AK3: variants seen among roughly 807,000 people sequenced by gnomAD.
The protein encoded by AK3 is GTP:AMP phosphotransferase AK3, mitochondrial.
Under a neutral mutation model 23.7 loss-of-function variants are expected in AK3, and 27 were observed. The ratio of observed to expected loss-of-function variants is 1.14; its 90% CI spans 0.84 to 1.57. AK3 has a LOEUF of 1.57. Ranked by LOEUF, AK3 falls within the 40% of genes most tolerant of loss-of-function variation. The pLI is 0.00. For synonymous variants in AK3, 159 were observed against 116.0 expected, an observed-to-expected ratio of 1.37 and a Z score of -2.38; for missense variants, 406 against 285.6, an observed-to-expected ratio of 1.42 and a Z score of -3.04.
At position 4,711,228 on chromosome 9, in the gene AK3, T is replaced by A. The variant is rs531668230; in HGVS notation, c.*1748A>T. The stretch of plus-strand genomic sequence containing the variant: ...AGACATCAGGCAGCAGAAAGGAAGG[T>A]GGGATGGAGCAGGCCCTGTGAAGGA... On this transcript the variant is annotated 3_prime_UTR_variant, in exon 5 of 5. Transcript: ENST00000381809. 6.5e-6 allele frequency: 1 copy of A among 152,710 alleles called. No individual in the cohort carries two copies. The highest frequency in any genetic ancestry group is 1.5e-5 in the Non-Finnish European group (1 of 68,054). The allele number at this position is 152,710 out of a possible 1,614,324, so 9.5% of individuals were successfully genotyped here. A position where few individuals can be genotyped will look rare whatever the true frequency, so the allele number is the denominator to read the frequency against.
intron 1 of AK3, among the ~76,000 whole-genome samples, chr9:4,724,237 T>G (rs962434250): frequency 1.3e-5 from 2 of 152,036 alleles, no homozygotes; most frequent in Non-Finnish European, 2.9e-5. Context: ...AGGGACAGCT[T>G]CAACCTCATC....
intron 1 of AK3, among the ~76,000 whole-genome samples, chr9:4,729,255 C>T (rs144140255): frequency 0.013 from 1,924 of 152,038 alleles, 38 homozygotes; most frequent in African/African-American, 0.043. Context: ...GGTGATCTAC[C>T]CACCTTTGCC....
intron 1 of AK3, among the ~76,000 whole-genome samples, chr9:4,723,387 T>A (rs1255192694): frequency 6.6e-6 from 1 of 152,216 alleles, no homozygotes; most frequent in Non-Finnish European, 1.5e-5. Flanking sequence ...ACTTTTCCAA[T>A]CCTGTAAAAC....
intron 1 of AK3, among the ~76,000 whole-genome samples, chr9:4,736,735 T>G (rs1003619335): frequency 6.6e-6 from 1 of 152,078 alleles, no homozygotes; most frequent in African/African-American, 2.4e-5. Context: ...GTGAGTACTG[T>G]GGTGCTATCA....
At chr9:4,714,973 C>G (rs1219736049) in intron 4 of AK3, among the ~76,000 whole-genome samples, 1 of 152,078 alleles carries the variant, frequency 6.6e-6, no homozygotes, top group Non-Finnish European at 1.5e-5. Flanking sequence ...AATCCCAGCA[C>G]TTTGGGAGGC....
chr9:4,734,947 G>A (rs1434472735), intron 1 of AK3, among the ~76,000 whole-genome samples: 3 of 152,094 alleles, frequency 2.0e-5, no homozygotes, highest in African/African-American at 7.2e-5. Flanking sequence ...GTCCAGTACA[G>A]AAAACTCAAA....
intron 1 of AK3, among the ~76,000 whole-genome samples, chr9:4,736,508 T>C (rs412899): frequency 0.09 from 13,530 of 150,720 alleles, 658 homozygotes; most frequent in African/African-American, 0.11. Context: ...TTGCCATCAG[T>C]ATCATTCTAA....
chr9:4,740,898 G>C lies in AK3; in HGVS notation c.151+39C>G, dbSNP rs778366515. On this transcript the variant is annotated intron_variant, in intron 1 of 4. Coordinates refer to ENST00000381809, the MANE Select transcript of AK3 (RefSeq NM_016282.4). ...CCCTCGCCCGCGAAGTCCGACCCGGGTGACAGCGCACGGCCGGCCCTGGGC... is the reference window on the plus strand; with the variant it reads ...CCCTCGCCCGCGAAGTCCGACCCGGCTGACAGCGCACGGCCGGCCCTGGGC... 72 of 1,472,300 alleles carry C rather than the reference G, an allele frequency of 4.9e-5. 1 individual carries two copies. The Admixed American group carries it at 7.8e-4, about 16-fold the overall frequency. 91.2% of individuals were successfully genotyped at this position (1,472,300 alleles called of 1,614,324 possible).
chr9:4,727,183 G>T (rs1842039568), intron 1 of AK3, among the ~76,000 whole-genome samples: 1 of 152,298 alleles, frequency 6.6e-6, no homozygotes. Flanking sequence ...TGGTAAATGA[G>T]CATTGGCTTC....
chr9:4,736,613 A>C (rs749659854), intron 1 of AK3, among the ~76,000 whole-genome samples: 4 of 152,022 alleles, frequency 2.6e-5, no homozygotes, highest in Non-Finnish European at 4.4e-5. Context: ...TATCTACTAC[A>C]TTCATCTCCC....
intron 1 of AK3, among the ~76,000 whole-genome samples, chr9:4,737,215 C>G (rs10815062): frequency 0.5 from 76,431 of 151,784 alleles, 21,858 homozygotes; most frequent in East Asian, 0.73. Context: ...ATACAGCTTT[C>G]ATGTGCTAGA....
intron 4 of AK3, among the ~76,000 whole-genome samples, chr9:4,713,588 C>CTT (rs772792551): frequency 2.6e-5 from 4 of 152,048 alleles, no homozygotes. Context: ...ACTTGAGTAT[C>CTT]TTTCCTTTTT....
chr9:4,738,741 T>C (rs953686141), intron 1 of AK3, among the ~76,000 whole-genome samples: 7 of 151,602 alleles, frequency 4.6e-5, no homozygotes, highest in Middle Eastern at 3.5e-3. Flanking sequence ...GTTTCCTTCT[T>C]TTATAATAAA....
intron 1 of AK3, among the ~76,000 whole-genome samples, chr9:4,735,468 AT>A (rs1563798660): frequency 6.9e-4 from 28 of 40,844 alleles, no homozygotes; most frequent in South Asian, 3.5e-3. Flanking sequence ...GTATATGTGT[AT>A]ATATATATAT....
chr9:4,741,973 T>C (rs1319752904), upstream of AK3: 1 of 152,196 alleles, frequency 6.6e-6, no homozygotes, highest in Non-Finnish European at 1.5e-5. Context: ...AGGGCCTACC[T>C]CATTTTACAG....
At chr9:4,730,280 T>C (rs538942006) in intron 1 of AK3, among the ~76,000 whole-genome samples, 1 of 152,280 alleles carries the variant, frequency 6.6e-6, no homozygotes, top group East Asian at 1.9e-4. Context: ...ACTTTGGATA[T>C]GCTAAAAACC....
rs960576330 is a variant in AK3 at position 4,740,817 on chromosome 9, G to C, written c.151+120C>G. On this transcript the variant is annotated intron_variant, in intron 1 of 4. Transcript: ENST00000381809. ...CAGCAGCCCGAGGTCTCTGTCCCGGGCGGCGGGAGGGAAATGCCGCGCCCG... is the reference window on the plus strand; with the variant it reads ...CAGCAGCCCGAGGTCTCTGTCCCGGCCGGCGGGAGGGAAATGCCGCGCCCG... 6.5e-6 allele frequency: 8 copies of C among 1,231,822 alleles called. No homozygotes were observed. The South Asian group carries it at 1.5e-4, about 23-fold the overall frequency. 76.3% of individuals were successfully genotyped at this position (1,231,822 alleles called of 1,614,324 possible).
At chr9:4,735,768 C>CA (rs1244078396) in intron 1 of AK3, among the ~76,000 whole-genome samples, 3 of 114,038 alleles carry the variant, frequency 2.6e-5, no homozygotes, top group Admixed American at 1.1e-4. Flanking sequence ...CATGCCTGGC[C>CA]AAAAAAATAT....
At position 4,710,658 on chromosome 9, in the gene AK3, C is replaced by G. The variant is rs1841537045; in HGVS notation, c.*2318G>C. The stretch of plus-strand genomic sequence containing the variant: ...TTTTGGGTGGGGGCAGTGGCTTACA[C>G]CTGTAATCTCAGCACTTGGGAAGCT... On this transcript the variant is annotated 3_prime_UTR_variant, in exon 5 of 5. Transcript: ENST00000381809. 1 of 152,082 alleles carries G rather than the reference C, an allele frequency of 6.6e-6. No homozygotes were observed. The highest frequency in any genetic ancestry group is 2.1e-4 in the South Asian group (1 of 4,826). 9.4% of individuals were successfully genotyped at this position (152,082 alleles called of 1,614,324 possible).
Sources: gnomAD v4.1 joint callset for allele counts (sites outside exome capture counted in the v4.1 genomes callset) on GRCh38, gnomAD v4.1.1 for gene constraint, MANE v1.5 for transcripts, NCBI Gene and HGNC (gene_info 2026-07-23, HGNC 2026-07-21) for gene names.